NLGN1: variants seen among roughly 807,000 people sequenced by gnomAD.
The protein encoded by NLGN1 is neuroligin-1.
A neutral mutation model predicts 65.5 loss-of-function variants in NLGN1; 12 were observed. The observed-to-expected ratio is 0.18, with a 90% CI of 0.12 to 0.30. The LOEUF (loss-of-function observed/expected upper bound fraction) is 0.30, where lower values mean the gene tolerates loss of function less well. Among genes scored for constraint, NLGN1 ranks in the 10% least tolerant of loss-of-function variants. The pLI, the probability that NLGN1 is intolerant of heterozygous loss-of-function variation, is 1.00. For missense variants in NLGN1, 750 were observed against 1,007.1 expected, an observed-to-expected ratio of 0.74 and a Z score of 3.46; for synonymous variants, 350 against 359.5, an observed-to-expected ratio of 0.97 and a Z score of 0.30.
chr3:173,545,274 G>A (rs1328297469), intron 2 of NLGN1, among the ~76,000 whole-genome samples: 1 of 151,934 alleles, frequency 6.6e-6, no homozygotes, highest in African/African-American at 2.4e-5. Context: ...GGGTTTCACC[G>A]TGTTGGTCAG....
intron 4 of NLGN1, among the ~76,000 whole-genome samples, chr3:174,133,671 C>T (rs1023129724): frequency 6.6e-6 from 1 of 152,074 alleles, no homozygotes; most frequent in Non-Finnish European, 1.5e-5. Context: ...TCCATAAGAG[C>T]TGAAGATCTT....
At chr3:173,709,854 C>T (rs941486706) in intron 3 of NLGN1, among the ~76,000 whole-genome samples, 1 of 144,522 alleles carries the variant, frequency 6.9e-6, no homozygotes, top group Non-Finnish European at 1.5e-5. Context: ...CCAAATTGTT[C>T]ATACAGTTTC....
At chr3:173,496,899 A>G (rs941857809) in intron 2 of NLGN1, among the ~76,000 whole-genome samples, 3 of 151,854 alleles carry the variant, frequency 2.0e-5, no homozygotes, top group Admixed American at 6.6e-5. Context: ...ATAGTCTTCC[A>G]GAAGACTTTT....
intron 4 of NLGN1, among the ~76,000 whole-genome samples, chr3:173,849,459 G>A (rs978360436): frequency 6.6e-6 from 1 of 150,916 alleles, no homozygotes; most frequent in Non-Finnish European, 1.5e-5. Context: ...CAGAGTAACA[G>A]TGTGTCCTTC....
intron 4 of NLGN1, among the ~76,000 whole-genome samples, chr3:174,024,522 C>G (rs1382724982): frequency 6.6e-6 from 1 of 152,114 alleles, no homozygotes; most frequent in African/African-American, 2.4e-5. Context: ...TTTTCTATAT[C>G]CCACTAAGAA....
intron 3 of NLGN1, among the ~76,000 whole-genome samples, chr3:173,671,793 A>G (rs1183295428): frequency 6.6e-6 from 1 of 152,166 alleles, no homozygotes; most frequent in Non-Finnish European, 1.5e-5. Flanking sequence ...GGCTTTCTAG[A>G]GATCAGTGCT....
intron 2 of NLGN1, among the ~76,000 whole-genome samples, chr3:173,504,301 C>T (rs1577015409): frequency 1.3e-5 from 2 of 152,026 alleles, no homozygotes; most frequent in African/African-American, 4.8e-5. Flanking sequence ...ATGTGTACAG[C>T]ATTTGGTGAA....
chr3:173,954,408 G>A (rs748507640), intron 4 of NLGN1, among the ~76,000 whole-genome samples: 1 of 151,882 alleles, frequency 6.6e-6, no homozygotes, highest in Non-Finnish European at 1.5e-5. Flanking sequence ...TCATTGAAGT[G>A]CGTAGAAGTG....
chr3:173,737,300 G>T (rs1394557571), intron 3 of NLGN1, among the ~76,000 whole-genome samples: 1 of 151,844 alleles, frequency 6.6e-6, no homozygotes, highest in Non-Finnish European at 1.5e-5. Flanking sequence ...TAAGGTGTAT[G>T]ATTCAGTGGT....
At position 174,166,896 on chromosome 3, in the gene NLGN1, A is replaced by G. The variant is rs181246262; in HGVS notation, c.647-108419A>G. On this transcript the variant is annotated intron_variant, in intron 4 of 6. Coordinates refer to ENST00000457714, the Ensembl canonical transcript of NLGN1. The stretch of plus-strand genomic sequence containing the variant: ...GGTGTGTAGATATTTTGTATAGATA[A>G]GTCTTCTCATTGAATATAACCTTTT... 4.6e-5 allele frequency among the ~76,000 whole-genome samples: 7 copies of G among 151,878 alleles called. No individual in the cohort carries two copies. In the East Asian group the frequency reaches 1.2e-3, roughly 25 times the overall value.
At chr3:174,089,315 A>G (rs1744059406) in intron 4 of NLGN1, among the ~76,000 whole-genome samples, 1 of 152,162 alleles carries the variant, frequency 6.6e-6, no homozygotes, top group South Asian at 2.1e-4. Context: ...AAACTTATCT[A>G]GCCATTCTCA....
chr3:174,120,886 T>C (rs1271914333), intron 4 of NLGN1, among the ~76,000 whole-genome samples: 1 of 152,162 alleles, frequency 6.6e-6, no homozygotes, highest in Non-Finnish European at 1.5e-5. Flanking sequence ...GCTTCACTGC[T>C]CACGACTCTA....
At chr3:173,964,159 T>C (rs980834450) in intron 4 of NLGN1, among the ~76,000 whole-genome samples, 2 of 152,014 alleles carry the variant, frequency 1.3e-5, no homozygotes, top group Non-Finnish European at 2.9e-5. Flanking sequence ...GATTGAGACG[T>C]AGGGCAGACA....
At chr3:173,777,623 GTCTGTCTGTCTATCTATCTA>G (rs1476618888) in intron 3 of NLGN1, among the ~76,000 whole-genome samples, 8 of 11,546 alleles carry the variant, frequency 6.9e-4, no homozygotes, top group Non-Finnish European at 2.2e-3. Flanking sequence ...CTGTCTGTCT[GTCTGTCTGTCTATCTATCTA>G]TCTATCTATC....
chr3:174,035,596 C>G (rs146166290), intron 4 of NLGN1, among the ~76,000 whole-genome samples: 1 of 152,286 alleles, frequency 6.6e-6, no homozygotes, highest in Non-Finnish European at 1.5e-5. Flanking sequence ...CACATTTTAT[C>G]TGCCTGCCAA....
At chr3:173,629,125 A>G (rs1032090298) in intron 3 of NLGN1, among the ~76,000 whole-genome samples, 1 of 151,648 alleles carries the variant, frequency 6.6e-6, no homozygotes, top group African/African-American at 2.4e-5. Flanking sequence ...TTTAATCACA[A>G]TGGTGAAGGG....
chr3:174,083,355 G>A (rs1490113577), intron 4 of NLGN1, among the ~76,000 whole-genome samples: 3 of 151,890 alleles, frequency 2.0e-5, no homozygotes, highest in Admixed American at 6.6e-5. Flanking sequence ...TATATTGTTA[G>A]GAACAGATGT....
intron 4 of NLGN1, among the ~76,000 whole-genome samples, chr3:174,078,669 G>T (rs1163113098): frequency 6.6e-6 from 1 of 152,096 alleles, no homozygotes; most frequent in African/African-American, 2.4e-5. Context: ...TTTAGTTTTT[G>T]AGACGCAGGT....
chr3:174,197,518 C>CA (rs10663769), intron 4 of NLGN1, among the ~76,000 whole-genome samples: 41,196 of 100,458 alleles, frequency 0.41, 8,377 homozygotes, highest in Non-Finnish European at 0.43. Context: ...TACTTAACCT[C>CA]AAAAAAAAAA....
Sources: gnomAD v4.1 joint callset for allele counts (sites outside exome capture counted in the v4.1 genomes callset) on GRCh38, gnomAD v4.1.1 for gene constraint, MANE v1.5 for transcripts, NCBI Gene and HGNC (gene_info 2026-07-23, HGNC 2026-07-21) for gene names.